The following ADGRV1 variants were observed in gnomAD, a reference collection of about 807,000 sequenced individuals.
The protein encoded by ADGRV1 is adhesion G protein-coupled receptor V1.
In ADGRV1, 359 loss-of-function variants were observed where a neutral mutation model predicts 596.2. That is an observed-to-expected ratio of 0.60 (90% CI 0.55 to 0.66). The LOEUF is 0.66. Ranked by LOEUF, ADGRV1 falls within the 30% of genes least tolerant of loss-of-function variation. ADGRV1 has a pLI of 0.00. For missense variants in ADGRV1, 7,274 were observed against 7,575.6 expected (o/e 0.96, Z 1.48); for synonymous variants, 2,681 against 2,679.2 (o/e 1.00, Z -0.02).
Position 90,810,568 on chromosome 5 carries a change from A to G in ADGRV1, c.15308A>G (p.Gln5103Arg), listed in dbSNP as rs772668036. 2.5e-6 allele frequency: 4 copies of G among 1,613,874 alleles called. No individual in the cohort carries two copies. The African/African-American group carries it at 4.0e-5, about 16-fold the overall frequency. ...ACTTCAGTAGAAATTAGGGGATTAC[A>G]AAAGTTTGATGTTAATTGGAGCCCA... The part of the protein sequence containing the change: ...NLTSVEIRGL[Q>R]KFDVNWSPRL... The change falls in exon 74 of 90, where the codon CAA becomes CGA. Residue 5103 changes from glutamine to arginine, a missense_variant. Coordinates refer to ENST00000405460, the MANE Select transcript of ADGRV1 (RefSeq NM_032119.4).
chr5:90,978,257 T>C (rs536607534), intron 84 of ADGRV1, among the ~76,000 whole-genome samples: 2 of 152,072 alleles, frequency 1.3e-5, no homozygotes, highest in South Asian at 4.1e-4. Flanking sequence ...ATCGCGCCAC[T>C]ACACTCCAGA....
At chr5:90,578,036 TATAC>T (rs1757473635) in intron 1 of ADGRV1, among the ~76,000 whole-genome samples, 1 of 152,216 alleles carries the variant, frequency 6.6e-6, no homozygotes, top group Admixed American at 6.5e-5. Flanking sequence ...GTTTTCTAAA[TATAC>T]AATCATGTCA....
At chr5:90,746,996 T>G (rs1047913087) in intron 52 of ADGRV1, among the ~76,000 whole-genome samples, 3 of 152,180 alleles carry the variant, frequency 2.0e-5, no homozygotes, top group Non-Finnish European at 4.4e-5. Context: ...ATATGTACTA[T>G]ATCTGATGGT....
chr5:90,658,344 G>A (rs913339291), intron 21 of ADGRV1, 66 bp downstream of exon 21: 40 of 1,410,536 alleles, frequency 2.8e-5, no homozygotes, highest in Non-Finnish European at 3.2e-5. Context: ...TTTGGGACTC[G>A]GCTTTCTTTC....
chr5:90,581,648 G>C (rs1758072963), intron 1 of ADGRV1, among the ~76,000 whole-genome samples: 1 of 152,172 alleles, frequency 6.6e-6, no homozygotes, highest in South Asian at 2.1e-4. Context: ...CCTGTATGAG[G>C]TGTCTGTCGG....
chr5:90,965,292 A>G, intron 83 of ADGRV1, 123 bp from the exon 84 acceptor site: 1 of 656,282 alleles, frequency 1.5e-6, no homozygotes, highest in East Asian at 2.8e-5. Flanking sequence ...TTTGGGCAAG[A>G]AGTCAACTTA....
At position 90,965,449 on chromosome 5, in the gene ADGRV1, A is replaced by G. The variant is rs368705652; in HGVS notation, c.17891A>G (p.Gln5964Arg). 6.2e-7 allele frequency: 1 copy of G among 1,613,634 alleles called. No homozygotes were observed. Among genetic ancestry groups the G allele is most frequent in the Non-Finnish European group, 8.5e-7 (1 of 1,179,688 alleles). The change falls in exon 84 of 90, where the codon CAA (glutamine) becomes CGA (arginine). Residue 5964 changes from glutamine (Q) to arginine (R), a missense_variant. Gln to Arg is a conservative substitution (Grantham distance 43, BLOSUM62 1). Transcript: ENST00000405460. The part of the protein sequence containing the change: ...LFLASAYASP[Q>R]LAEESCSAMA... ...CTGGCGTCTGCATACGCAAGTCCCC[A>G]ACTCGCTGAGGAGAGCTGTTCAGCT...
chr5:90,900,938 T>A (rs192406631), intron 83 of ADGRV1, among the ~76,000 whole-genome samples: 1 of 140,724 alleles, frequency 7.1e-6, no homozygotes, highest in Non-Finnish European at 1.5e-5. Flanking sequence ...TTGGCATATT[T>A]GTTTTCAGAT....
chr5:90,788,141 C>CAGTG lies in ADGRV1; in HGVS notation c.13727_13730dup (p.Gly4578GlufsTer24). On this transcript the variant is annotated frameshift_variant, in exon 68 of 90. Coordinates refer to ENST00000405460, the MANE Select transcript of ADGRV1 (RefSeq NM_032119.4). LOFTEE classifies it high-confidence loss of function. ...CCACAGAATAGAGACATTGCAGACC[C>CAGTG]AGTGAGCGGGTTGTTCTATTTTGGA... The CAGTG allele has an allele frequency of 6.2e-7, 1 of 1,613,658 alleles. No homozygotes were observed. The highest frequency in any genetic ancestry group is 8.5e-7 in the Non-Finnish European group (1 of 1,179,628).
chr5:90,572,404 T>C (rs377342938), intron 1 of ADGRV1, among the ~76,000 whole-genome samples: 19 of 152,192 alleles, frequency 1.2e-4, no homozygotes, highest in African/African-American at 4.3e-4. Context: ...AAAAAGTTCT[T>C]CTGAAGAATA....
chr5:90,711,979 T>G (rs1167189529), intron 41 of ADGRV1, among the ~76,000 whole-genome samples: 1 of 152,114 alleles, frequency 6.6e-6, no homozygotes, highest in Non-Finnish European at 1.5e-5. Context: ...TTTTAGTGTA[T>G]TTTACCATGT....
chr5:90,681,515 G>T, intron 27 of ADGRV1, 61 bp downstream of exon 27: 1 of 1,487,636 alleles, frequency 6.7e-7, no homozygotes, highest in South Asian at 1.4e-5. Flanking sequence ...ACTGTACTGT[G>T]CTATGAAAGT....
intron 83 of ADGRV1, among the ~76,000 whole-genome samples, chr5:90,924,497 A>G (rs1423290710): frequency 6.6e-6 from 1 of 150,618 alleles, no homozygotes; most frequent in African/African-American, 2.4e-5. Context: ...TTTCTTGTAA[A>G]TTTGTTTTGA....
At chr5:91,121,187 A>G (rs1459326201) in intron 87 of ADGRV1, among the ~76,000 whole-genome samples, 1 of 152,170 alleles carries the variant, frequency 6.6e-6, no homozygotes, top group Non-Finnish European at 1.5e-5. Context: ...AAATAAATAA[A>G]AAAGGAAAGT....
chr5:90,962,334 G>A (rs1452878081), intron 83 of ADGRV1, among the ~76,000 whole-genome samples: 1 of 152,176 alleles, frequency 6.6e-6, no homozygotes, highest in Non-Finnish European at 1.5e-5. Flanking sequence ...CATTCATACT[G>A]AATAAATCAA....
At chr5:90,722,296 C>T (rs73175286) in intron 45 of ADGRV1, among the ~76,000 whole-genome samples, 20,353 of 151,930 alleles carry the variant, frequency 0.13, 4,017 homozygotes, top group African/African-American at 0.43. Flanking sequence ...TCATGCTATT[C>T]ATTAAGATGG....
intron 42 of ADGRV1, among the ~76,000 whole-genome samples, 174 bp from the exon 43 acceptor site, chr5:90,716,293 T>C (rs1470308641): frequency 6.6e-6 from 1 of 152,220 alleles, no homozygotes; most frequent in Non-Finnish European, 1.5e-5. Context: ...CTATCATGAT[T>C]GAATATGTTA....
intron 85 of ADGRV1, among the ~76,000 whole-genome samples, chr5:91,032,584 TTA>T (rs1784568990): frequency 6.6e-6 from 1 of 151,834 alleles, no homozygotes. Flanking sequence ...CTAATTATAA[TTA>T]TATATATATT....
intron 57 of ADGRV1, among the ~76,000 whole-genome samples, chr5:90,759,193 A>G (rs1561671933): frequency 6.6e-6 from 1 of 152,240 alleles, no homozygotes; most frequent in African/African-American, 2.4e-5. Flanking sequence ...TGCCATAAAT[A>G]TACATGCCAT....
Sources: allele counts gnomAD v4.1 joint callset (sites outside exome capture counted in the v4.1 genomes callset), GRCh38; gene constraint gnomAD v4.1.1; transcripts MANE v1.5; gene names NCBI Gene and HGNC (gene_info 2026-07-23, HGNC 2026-07-21).